ARF3: variants seen among roughly 807,000 people sequenced by gnomAD.
ARF3 encodes ARF GTPase 3, also known as ADP-ribosylation factor 3.
ARF3 carries 5 observed loss-of-function variants against 19.3 expected under a neutral mutation model. That is an observed-to-expected ratio of 0.26 (90% CI 0.14 to 0.54). The LOEUF is 0.54. Ranked by LOEUF, ARF3 falls within the 20% of genes least tolerant of loss-of-function variation. ARF3 has a pLI of 0.95. For synonymous variants in ARF3, 71 were observed against 89.2 expected, an observed-to-expected ratio of 0.80 and a Z score of 1.15; for missense variants, 77 against 234.2, an observed-to-expected ratio of 0.33 and a Z score of 4.38.
chr12:48,951,287 G>A (rs896434440), intron 1 of ARF3, among the ~76,000 whole-genome samples: 4 of 152,224 alleles, frequency 2.6e-5, no homozygotes, highest in South Asian at 2.1e-4. Context: ...GGAGCCAGGC[G>A]CGGTGGCTCA....
At position 48,941,242 on chromosome 12, in the gene ARF3, G is replaced by A. The variant is rs944683420; in HGVS notation, c.-93-54C>T. The A allele has an allele frequency of 1.5e-5, 15 of 975,824 alleles. 1 individual carries two copies. The highest frequency in any genetic ancestry group is 8.0e-5 in the Admixed American group (3 of 37,732). 60.4% of individuals were successfully genotyped at this position (975,824 alleles called of 1,614,324 possible). ...ATCATTTGCTTGTCAGGACTTCCAA[G>A]TAAATAGAATTTCCCAAGGTCATGG... On this transcript the variant is annotated intron_variant, in intron 1 of 4. Coordinates refer to ENST00000256682, the MANE Select transcript of ARF3 (RefSeq NM_001659.3).
chr12:48,939,192 A>G lies in ARF3; in HGVS notation c.385-84T>C. On this transcript the variant is annotated intron_variant, in intron 4 of 4. Coordinates refer to ENST00000256682, the MANE Select transcript of ARF3 (RefSeq NM_001659.3). This position sits in a 1 kb window ranked among gnomAD's most constrained non-coding sequence, Gnocchi z 4.8. Reference sequence around the variant, plus strand: ...ACACCCATCTACCAAAGAAATGTGTACCAGCACCTTCCCCTCCTCCTTTAT... The same window carrying G: ...ACACCCATCTACCAAAGAAATGTGTGCCAGCACCTTCCCCTCCTCCTTTAT... 1 of 1,425,808 alleles carries G rather than the reference A, an allele frequency of 7.0e-7. No homozygotes were observed. Among genetic ancestry groups the G allele is most frequent in the Non-Finnish European group, 9.5e-7 (1 of 1,049,112 alleles). 88.3% of individuals were successfully genotyped at this position (1,425,808 alleles called of 1,614,324 possible).
intron 1 of ARF3, among the ~76,000 whole-genome samples, chr12:48,950,114 G>A (rs989799554): frequency 6.6e-6 from 1 of 152,188 alleles, no homozygotes; most frequent in Non-Finnish European, 1.5e-5. Flanking sequence ...ATTCACAGGT[G>A]CCCTCATGGT....
intron 1 of ARF3, among the ~76,000 whole-genome samples, chr12:48,950,676 C>T (rs1225014894): frequency 2.6e-5 from 4 of 152,042 alleles, no homozygotes; most frequent in Admixed American, 2.6e-4. Context: ...TCCCCAATCC[C>T]CCTGTCCCTC....
intron 1 of ARF3, among the ~76,000 whole-genome samples, chr12:48,948,565 C>A (rs1055544336): frequency 1.3e-5 from 2 of 152,086 alleles, no homozygotes; most frequent in Admixed American, 6.5e-5. Context: ...GTAATCCCAG[C>A]ACTTTGGGAG....
intron 2 of ARF3, among the ~76,000 whole-genome samples, chr12:48,940,385 T>C (rs1008522935): frequency 2.0e-5 from 3 of 152,222 alleles, no homozygotes; most frequent in Non-Finnish European, 4.4e-5. Flanking sequence ...ACTCAGTCTT[T>C]GGTGCTCCCT....
intron 1 of ARF3, among the ~76,000 whole-genome samples, chr12:48,950,520 C>T (rs983269877): frequency 6.6e-6 from 1 of 152,020 alleles, no homozygotes; most frequent in African/African-American, 2.4e-5. Flanking sequence ...GTAAAATATA[C>T]ACAAAATTTA....
chr12:48,939,931 C>T lies in ARF3; in HGVS notation c.259+66G>A. ...GCTGCAGCAGGGTAACAGTTGGCCACCCATTAACAAAGACAGCCACACTCT... is the reference window on the plus strand; with the variant it reads ...GCTGCAGCAGGGTAACAGTTGGCCATCCATTAACAAAGACAGCCACACTCT... On this transcript the variant is annotated intron_variant, in intron 3 of 4. Transcript: ENST00000256682. The surrounding 1 kb of genome is among the most constrained non-coding windows in gnomAD (Gnocchi z 4.8). 1.3e-6 allele frequency: 2 copies of T among 1,584,082 alleles called. No homozygotes were observed. Among genetic ancestry groups the T allele is most frequent in the South Asian group, 2.2e-5 (2 of 90,414 alleles).
chr12:48,939,914 AG>A lies in ARF3; in HGVS notation c.259+82del. On this transcript the variant is annotated intron_variant, in intron 3 of 4. Transcript: ENST00000256682. This position sits in a 1 kb window ranked among gnomAD's most constrained non-coding sequence, Gnocchi z 4.8. ...TTCTTCTGCCCCCAGGAGCTGCAGC[AG>A]GGTAACAGTTGGCCACCCATTAACA... The A allele has an allele frequency of 6.3e-7, 1 of 1,584,634 alleles. No homozygotes were observed. Among genetic ancestry groups the A allele is most frequent in the Non-Finnish European group, 8.7e-7 (1 of 1,153,904 alleles).
At chr12:48,948,776 A>G (rs1940408125) in intron 1 of ARF3, among the ~76,000 whole-genome samples, 1 of 151,942 alleles carries the variant, frequency 6.6e-6, no homozygotes, top group African/African-American at 2.4e-5. Context: ...ACATCACTGC[A>G]CTCCAGCTTA....
Position 48,938,879 on chromosome 12 carries a change from G to A in ARF3, c.*68C>T. On this transcript the variant is annotated 3_prime_UTR_variant, in exon 5 of 5. Transcript: ENST00000256682. ...ACACTTGCATGGAGAGGAAGGGGTA[G>A]GACTGGGGCAGGGTGACAGTAGGTA... 6.4e-7 allele frequency: 1 copy of A among 1,567,566 alleles called. No individual in the cohort carries two copies. Among genetic ancestry groups the A allele is most frequent in the Non-Finnish European group, 8.7e-7 (1 of 1,153,494 alleles).
rs1476775571 is a variant in ARF3, at chr12:48,938,038, G to C, written c.*909C>G. 1 of 182,730 alleles carries C rather than the reference G, an allele frequency of 5.5e-6. No individual in the cohort carries two copies. The highest frequency in any genetic ancestry group is 5.6e-5 in the Admixed American group (1 of 18,018). The allele number at this position is 182,730 out of a possible 1,614,324, so 11.3% of individuals were successfully genotyped here. A position where few individuals can be genotyped will look rare whatever the true frequency, so the allele number is the denominator to read the frequency against. ...CCCACCCCCCAGTCAAGCTCCAGAG[G>C]AACAGATCTGAAGATGGTGGGGAAG... On this transcript the variant is annotated 3_prime_UTR_variant, in exon 5 of 5. Coordinates refer to ENST00000256682, the MANE Select transcript of ARF3 (RefSeq NM_001659.3).
chr12:48,938,357 G>C lies in ARF3; in HGVS notation c.*590C>G, dbSNP rs192237496. On this transcript the variant is annotated 3_prime_UTR_variant, in exon 5 of 5. Transcript: ENST00000256682. The stretch of plus-strand genomic sequence containing the variant: ...TTCTTCCCTTAATCTCACCAACACG[G>C]AAGGGGCAGATGACAGGCTCCAGTG... The C allele has an allele frequency of 1.6e-4, 71 of 454,306 alleles. No homozygotes were observed. Among genetic ancestry groups the C allele is most frequent in the African/African-American group, 1.2e-3 (59 of 50,148 alleles). 28.1% of individuals were successfully genotyped at this position (454,306 alleles called of 1,614,324 possible).
At chr12:48,950,052 C>CA (rs1334174254) in intron 1 of ARF3, among the ~76,000 whole-genome samples, 2 of 152,232 alleles carry the variant, frequency 1.3e-5, no homozygotes. Flanking sequence ...TAAACTTTTT[C>CA]TTTTTTAGAG....
rs141355399 is a variant in ARF3 at position 48,939,831 on chromosome 12, C to A, written c.260-52G>T. The A allele has an allele frequency of 1.1e-5, 17 of 1,610,794 alleles. No homozygotes were observed. In the Admixed American group the frequency reaches 2.0e-4, roughly 19 times the overall value. Reference sequence around the variant, plus strand: ...TAAGATGACAGGTAACCCCCTCCCCCCAACCAAAAGACCACACCTGCCTGA... The same window carrying A: ...TAAGATGACAGGTAACCCCCTCCCCACAACCAAAAGACCACACCTGCCTGA... On this transcript the variant is annotated intron_variant, in intron 3 of 4. Coordinates refer to ENST00000256682, the MANE Select transcript of ARF3 (RefSeq NM_001659.3). This position sits in a 1 kb window ranked among gnomAD's most constrained non-coding sequence, Gnocchi z 4.8.
At position 48,938,169 on chromosome 12, in the gene ARF3, T is replaced by C. The variant is rs919915006; in HGVS notation, c.*778A>G. The stretch of plus-strand genomic sequence containing the variant: ...CTCCTTGGGAACAGTCATCTAGAGA[T>C]AAATGCCATCCTCCAGCCCTAAGAA... On this transcript the variant is annotated 3_prime_UTR_variant, in exon 5 of 5. Transcript: ENST00000256682. 8.7e-6 allele frequency: 3 copies of C among 345,028 alleles called. No individual in the cohort carries two copies. Among genetic ancestry groups the C allele is most frequent in the African/African-American group, 4.3e-5 (2 of 46,552 alleles). 21.4% of individuals were successfully genotyped at this position (345,028 alleles called of 1,614,324 possible).
chr12:48,936,827 A>C lies in ARF3; in HGVS notation c.*2120T>G, dbSNP rs1940152286. On this transcript the variant is annotated 3_prime_UTR_variant, in exon 5 of 5. Transcript: ENST00000256682. ...ACATGGAAAAGGGCAAATGAGCAAC[A>C]GCAGTGAATGAGTTGAGATTGAAAA... 6.6e-6 allele frequency: 1 copy of C among 152,274 alleles called. No individual in the cohort carries two copies. The highest frequency in any genetic ancestry group is 1.5e-5 in the Non-Finnish European group (1 of 68,050). 9.4% of individuals were successfully genotyped at this position (152,274 alleles called of 1,614,324 possible).
chr12:48,955,818 T>C (rs755447628), intron 1 of ARF3: 1 of 152,234 alleles, frequency 6.6e-6, no homozygotes, highest in African/African-American at 2.4e-5. Context: ...GTAATAATTC[T>C]ATGCTGGGAA....
intron 1 of ARF3, chr12:48,955,865 T>C (rs1332871382): frequency 1.3e-5 from 2 of 152,224 alleles, no homozygotes; most frequent in East Asian, 3.8e-4. Context: ...ATGGGAGCCT[T>C]TCCTGGCTGA....
Sources: allele counts gnomAD v4.1 joint callset (sites outside exome capture counted in the v4.1 genomes callset), GRCh38; gene constraint gnomAD v4.1.1; non-coding constraint Gnocchi (gnomAD v3.1); transcripts MANE v1.5; gene names NCBI Gene and HGNC (gene_info 2026-07-23, HGNC 2026-07-21).